NARF: variants seen among roughly 807,000 people sequenced by gnomAD.
NARF encodes the protein nuclear prelamin A recognition factor.
A neutral mutation model predicts 48.0 loss-of-function variants in NARF; 41 were observed. The observed-to-expected ratio is 0.85, with a 90% confidence interval of 0.66 to 1.11. NARF has a LOEUF of 1.11. Among genes scored for constraint, NARF ranks in the 50% least tolerant of loss-of-function variants. NARF has a pLI of 0.00. For synonymous variants in NARF, 215 were observed against 225.5 expected, an observed-to-expected ratio of 0.95 and a Z score of 0.42; for missense variants, 613 against 590.2, an observed-to-expected ratio of 1.04 and a Z score of -0.40.
intron 3 of NARF, among the ~76,000 whole-genome samples, chr17:82,468,061 C>G (rs914528467): frequency 6.6e-6 from 1 of 152,128 alleles, no homozygotes; most frequent in African/African-American, 2.4e-5. Context: ...CCTGTAATCC[C>G]AGCACTTTGG....
intron 10 of NARF, among the ~76,000 whole-genome samples, chr17:82,487,484 GA>G (rs762309924): frequency 1.9e-3 from 245 of 131,396 alleles, no homozygotes; most frequent in African/African-American, 2.3e-3. Context: ...ACTCTGTCTC[GA>G]AAAAAAAAAA....
rs189428909 is a variant in NARF at position 82,470,440 on chromosome 17, A to G, written c.385+1544A>G. 2.2e-3 allele frequency among the ~76,000 whole-genome samples: 330 copies of G among 152,342 alleles called. 3 individuals carry two copies. The highest frequency in any genetic ancestry group is 7.7e-3 in the African/African-American group (321 of 41,576). ...TAACGGAATGTTATATATCAATAAA[A>G]TGTATCCACAGTAAAATGGATTTCT... On this transcript the variant is annotated intron_variant, in intron 4 of 10. Coordinates refer to ENST00000309794, the MANE Select transcript of NARF (RefSeq NM_012336.4).
intron 4 of NARF, among the ~76,000 whole-genome samples, chr17:82,470,550 A>G (rs2043674793): frequency 6.6e-6 from 1 of 152,046 alleles, no homozygotes; most frequent in South Asian, 2.1e-4. Context: ...GCTGGGGTGC[A>G]GTGGCGCCAT....
In NARF at chr17:82,485,478, C is replaced by T. The variant is rs1296401910; in HGVS notation, c.972-19C>T. 1.9e-6 allele frequency: 3 copies of T among 1,611,948 alleles called. No individual in the cohort carries two copies. Among genetic ancestry groups the T allele is most frequent in the South Asian group, 1.1e-5 (1 of 90,896 alleles). ...ATAAAGGACTTGATGGATCAAAATT[C>T]TCTGTGTTCATTTTGTAGAAACAAA... On this transcript the variant is annotated intron_variant, in intron 9 of 10. Transcript: ENST00000309794.
At chr17:82,459,206 C>T (rs1437136531) in intron 1 of NARF, 2 of 1,035,874 alleles carry the variant, frequency 1.9e-6, no homozygotes, top group Non-Finnish European at 2.3e-6. Flanking sequence ...CTGAGGGTCA[C>T]CGAGCAGCCG....
chr17:82,463,339 T>C (rs1296359327), intron 2 of NARF: 1 of 152,158 alleles, frequency 6.6e-6, no homozygotes, highest in Non-Finnish European at 1.5e-5. Context: ...AACAAGACAG[T>C]GTTCAAGCTC....
At chr17:82,484,394 G>A (rs535681733) in intron 8 of NARF, 61 of 162,058 alleles carry the variant, frequency 3.8e-4, no homozygotes, top group South Asian at 3.1e-3. Flanking sequence ...GGGGCCAGGC[G>A]TGGTGGCTCA....
intron 6 of NARF, chr17:82,479,997 G>A (rs1429545712): frequency 6.5e-6 from 1 of 154,934 alleles, no homozygotes; most frequent in Admixed American, 6.5e-5. Flanking sequence ...CCTCCTGTAG[G>A]TGCCATGAGG....
intron 2 of NARF, chr17:82,463,700 G>A (rs1193396434): frequency 2.0e-5 from 3 of 153,144 alleles, no homozygotes; most frequent in Admixed American, 6.5e-5. Flanking sequence ...CAGATGTCGG[G>A]GAGCACAAGG....
At chr17:82,460,224 G>A in intron 2 of NARF, 152 bp downstream of exon 2, 1 of 602,006 alleles carries the variant, frequency 1.7e-6, no homozygotes, top group South Asian at 2.1e-5. Context: ...CAGCACTTTG[G>A]GAGGCCGAGG....
intron 4 of NARF, among the ~76,000 whole-genome samples, chr17:82,471,452 C>G: frequency 7.9e-6 from 1 of 126,340 alleles, no homozygotes; most frequent in Admixed American, 8.9e-5. Context: ...GAGACACTGT[C>G]TCAAAAAAAA....
Position 82,481,200 on chromosome 17 carries a change from T to A in NARF, c.758T>A (p.Val253Glu). The A allele has an allele frequency of 6.2e-7, 1 of 1,613,954 alleles. No individual in the cohort carries two copies. The highest frequency in any genetic ancestry group is 8.5e-7 in the Non-Finnish European group (1 of 1,180,008). ...ALHGSRGADC[V>E]LTSGEIAQIM... ...CATGGCTCCCGGGGCGCTGACTGCG[T>A]GTTAACATCAGGTGAGAGGTGGGCG... is the stretch of plus-strand genomic sequence containing the variant. Residue 253 changes from valine to glutamate, a missense_variant, in exon 7 of 11, where the codon GTG (valine) becomes GAG (glutamate). Coordinates refer to ENST00000309794, the MANE Select transcript of NARF (RefSeq NM_012336.4).
In NARF at chr17:82,481,085, C is replaced by G. The variant is rs1364818121; in HGVS notation, c.643C>G (p.Leu215Val). 2 of 1,614,148 alleles carry G rather than the reference C, an allele frequency of 1.2e-6. No homozygotes were observed. Among genetic ancestry groups the G allele is most frequent in the Non-Finnish European group, 1.7e-6 (2 of 1,180,014 alleles). ...VKDYFARQQN[L>V]SPEKIFHVIV... ...TATGGGTGCCCCTCTCCCACAGAAC[C>G]TGTCTCCAGAGAAGATTTTCCACGT... The change falls in exon 7 of 11, where the codon CTG becomes GTG. Residue 215 changes from leucine (L) to valine (V), a missense_variant. Leu to Val is a conservative substitution (Grantham distance 32, BLOSUM62 1). Coordinates refer to ENST00000309794, the MANE Select transcript of NARF (RefSeq NM_012336.4).
rs2143810985 is a variant in NARF, at chr17:82,459,999, G to A, written c.35G>A (p.Ser12Asn). 1 of 1,613,416 alleles carries A rather than the reference G, an allele frequency of 6.2e-7. No homozygotes were observed. Among genetic ancestry groups the A allele is most frequent in the Non-Finnish European group, 8.5e-7 (1 of 1,179,604 alleles). Residue 12 changes from serine to asparagine, a missense_variant, in exon 2 of 11, where the codon AGT becomes AAT. Physicochemically the swap from Ser to Asn is conservative, Grantham distance 46. Coordinates refer to ENST00000309794, the MANE Select transcript of NARF (RefSeq NM_012336.4). Reference sequence around the variant, plus strand: ...TTCCTTTGCTTTTTTAAGGAATGTAGTAAGAAAACAAAAACTGATGACCAA... The same window carrying A: ...TTCCTTTGCTTTTTTAAGGAATGTAATAAGAAAACAAAAACTGATGACCAA... ...KCEHCTRKEC[S>N]KKTKTDDQEN...
intron 9 of NARF, among the ~76,000 whole-genome samples, 172 bp from the exon 10 acceptor site, chr17:82,485,325 G>A (rs1386717350): frequency 1.3e-5 from 2 of 152,074 alleles, no homozygotes; most frequent in Non-Finnish European, 2.9e-5. Flanking sequence ...GGAAGCTGAG[G>A]CAGGAGAATG....
chr17:82,487,008 C>T (rs909949201), intron 10 of NARF, among the ~76,000 whole-genome samples: 5 of 152,158 alleles, frequency 3.3e-5, no homozygotes, highest in African/African-American at 1.2e-4. Flanking sequence ...CACACTAACA[C>T]GTGTGGTGCA....
chr17:82,484,792 G>T, intron 8 of NARF, 21 bp from the exon 9 acceptor site: 1 of 1,568,976 alleles, frequency 6.4e-7, no homozygotes, highest in African/African-American at 1.4e-5. Flanking sequence ...TGAAGGACTT[G>T]TATTTTCTCT....
At chr17:82,470,837 C>A (rs767186438) in intron 4 of NARF, among the ~76,000 whole-genome samples, 1 of 151,876 alleles carries the variant, frequency 6.6e-6, no homozygotes, top group Non-Finnish European at 1.5e-5. Context: ...AGCTTTGTTA[C>A]CTGGGGAGGG....
chr17:82,488,296 T>TTAAGAAAACC lies in NARF; in HGVS notation c.*139_*140insTAAGAAAACC. ...ATTACTTTGGTTTCTCCGAGTTCCC[T>TTAAGAAAACC]GCTACCCCGTTTATTGGAGGCCCCT... On this transcript the variant is annotated 3_prime_UTR_variant, in exon 11 of 11. Coordinates refer to ENST00000309794, the MANE Select transcript of NARF (RefSeq NM_012336.4). 1.0e-5 allele frequency: 14 copies of TTAAGAAAACC among 1,342,924 alleles called. No homozygotes were observed. The highest frequency in any genetic ancestry group is 1.3e-5 in the Non-Finnish European group (13 of 1,012,342). 83.2% of individuals were successfully genotyped at this position (1,342,924 alleles called of 1,614,324 possible). A position where few individuals can be genotyped will look rare whatever the true frequency, so the allele number is the denominator to read the frequency against.
Sources: gnomAD v4.1 joint callset for allele counts (sites outside exome capture counted in the v4.1 genomes callset) on GRCh38, gnomAD v4.1.1 for gene constraint, MANE v1.5 for transcripts, NCBI Gene and HGNC (gene_info 2026-07-23, HGNC 2026-07-21) for gene names.